The following MYO1F variants were observed in gnomAD, a reference collection of about 807,000 sequenced individuals.
The protein encoded by MYO1F is myosin IF.
MYO1F carries 60 observed loss-of-function variants against 146.6 expected under a neutral mutation model. The observed-to-expected ratio is 0.41, with a 90% CI of 0.33 to 0.51. The LOEUF (loss-of-function observed/expected upper bound fraction) is 0.51. Ranked by LOEUF, MYO1F falls within the 20% of genes least tolerant of loss-of-function variation. The pLI is 0.25. For missense variants in MYO1F, 1,274 were observed against 1,534.3 expected, an observed-to-expected ratio of 0.83 and a Z score of 2.83; for synonymous variants, 602 against 602.1, an observed-to-expected ratio of 1.00 and a Z score of 0.00.
At chr19:8,560,790 G>A (rs1974060679) in intron 1 of MYO1F, among the ~76,000 whole-genome samples, 1 of 148,626 alleles carries the variant, frequency 6.7e-6, no homozygotes, top group Admixed American at 6.9e-5. Context: ...CCAGGCTGGA[G>A]CGCAGTGGCA....
chr19:8,533,016 A>G (rs759511634), intron 19 of MYO1F, among the ~76,000 whole-genome samples: 2 of 151,876 alleles, frequency 1.3e-5, no homozygotes, highest in African/African-American at 4.8e-5. Context: ...TAGGTAGCAC[A>G]TTGCTGCTAA....
At chr19:8,557,146 G>C (rs556792875) in intron 1 of MYO1F, among the ~76,000 whole-genome samples, 26 of 152,148 alleles carry the variant, frequency 1.7e-4, no homozygotes, top group African/African-American at 6.3e-4. Context: ...AATTAGACGA[G>C]TGGTGGCATG....
At chr19:8,544,798 C>T (rs1318877587) in intron 13 of MYO1F, among the ~76,000 whole-genome samples, 4 of 152,124 alleles carry the variant, frequency 2.6e-5, no homozygotes, top group East Asian at 3.9e-4. Flanking sequence ...TATTTAGAGA[C>T]GGAGTCTTGC....
At position 8,550,267 on chromosome 19, in the gene MYO1F, C is replaced by G. The variant is rs760095446; in HGVS notation, c.994G>C (p.Gly332Arg). The G allele has an allele frequency of 1.2e-6, 2 of 1,614,164 alleles. No individual in the cohort carries two copies. Among genetic ancestry groups the G allele is most frequent in the Non-Finnish European group, 8.5e-7 (1 of 1,180,034 alleles). Residue 332 changes from glycine (G) to arginine (R), a missense_variant, in exon 10 of 28, where the codon GGG (glycine) becomes CGG (arginine). Coordinates refer to ENST00000644032, the MANE Select transcript of MYO1F (RefSeq NM_012335.4). ...TSRKMDSRWG[G>R]RSESINVTLN... is the part of the protein sequence containing the mutation. Reference sequence around the variant, plus strand: ...GTCACATTGATGGACTCGCTGCGCCCGCCCCAGCGGCTGTCCATCTTGCGG... The same window carrying G: ...GTCACATTGATGGACTCGCTGCGCCGGCCCCAGCGGCTGTCCATCTTGCGG...
rs937409147 is a variant in MYO1F at position 8,548,229 on chromosome 19, G to A, written c.1182+8C>T. 2.5e-6 allele frequency: 4 copies of A among 1,613,816 alleles called. No individual in the cohort carries two copies. The African/African-American group carries it at 5.3e-5, about 22-fold the overall frequency. On this transcript the variant is annotated splice_region_variant and intron_variant, in intron 11 of 27. Transcript: ENST00000644032. The stretch of plus-strand genomic sequence containing the variant: ...GACAGGATGTGGGCTGGAGGCAGGG[G>A]GCCGTACCTGGAAGATCTCGAAGCC...
Position 8,555,759 on chromosome 19 carries a change from A to C in MYO1F, c.41T>G (p.Val14Gly). Residue 14 changes from valine (V) to glycine (G), a missense_variant, in exon 2 of 28, where the codon GTG becomes GGG. Val to Gly is a moderately radical substitution (Grantham distance 109, BLOSUM62 -3). Transcript: ENST00000644032. ...KERFHWQSHN[V>G]KQSGVDDMVL... ...CATGTCATCCACGCCGCTCTGCTTCACGTTGTGGCTCTGCCAGTGGAAGCG... is the reference window on the plus strand; with the variant it reads ...CATGTCATCCACGCCGCTCTGCTTCCCGTTGTGGCTCTGCCAGTGGAAGCG... 1 of 1,613,894 alleles carries C rather than the reference A, an allele frequency of 6.2e-7. No homozygotes were observed. The highest frequency in any genetic ancestry group is 8.5e-7 in the Non-Finnish European group (1 of 1,179,990).
chr19:8,546,996 T>TA (rs1158563228), intron 12 of MYO1F, among the ~76,000 whole-genome samples: 5 of 151,862 alleles, frequency 3.3e-5, no homozygotes, highest in South Asian at 2.1e-4. Flanking sequence ...CTCTCTTTGT[T>TA]AAAAAAATCC....
intron 15 of MYO1F, 53 bp downstream of exon 15, chr19:8,541,853 T>C: frequency 3.9e-6 from 6 of 1,529,000 alleles, no homozygotes; most frequent in Non-Finnish European, 4.5e-6. Context: ...CGGTCCTCCC[T>C]CCATCCCCTT....
At chr19:8,561,704 C>G (rs959758912) in intron 1 of MYO1F, among the ~76,000 whole-genome samples, 1 of 148,714 alleles carries the variant, frequency 6.7e-6, no homozygotes, top group African/African-American at 2.5e-5. Context: ...CTTCCTTCCT[C>G]CTTTTTTTCT....
At chr19:8,554,440 G>A in intron 4 of MYO1F, 37 bp downstream of exon 4, 1 of 1,543,766 alleles carries the variant, frequency 6.5e-7, no homozygotes, top group Non-Finnish European at 8.9e-7. Context: ...CAGGGGCCCG[G>A]GCAGCAGGGT....
chr19:8,539,457 G>A (rs927528437), intron 16 of MYO1F, among the ~76,000 whole-genome samples: 2 of 151,404 alleles, frequency 1.3e-5, no homozygotes, highest in East Asian at 1.9e-4. Context: ...TTAGCTGGGT[G>A]TGGTGGCGCA....
chr19:8,551,584 T>G (rs947345643), intron 8 of MYO1F, 156 bp downstream of exon 8: 6 of 1,077,454 alleles, frequency 5.6e-6, no homozygotes, highest in South Asian at 1.3e-5. Flanking sequence ...ACTCCTGACC[T>G]TAAGTGATCT....
intron 19 of MYO1F, among the ~76,000 whole-genome samples, chr19:8,535,971 G>A (rs1258099185): frequency 1.3e-5 from 2 of 152,016 alleles, no homozygotes; most frequent in Admixed American, 6.6e-5. Flanking sequence ...ATGAGCCACC[G>A]CGCCCGGCAG....
chr19:8,547,961 G>C, intron 12 of MYO1F, 75 bp downstream of exon 12: 1 of 1,453,192 alleles, frequency 6.9e-7, no homozygotes, highest in Non-Finnish European at 9.6e-7. Context: ...TCCCCTAGTT[G>C]CTAAGGGATC....
In MYO1F at chr19:8,539,964, C is replaced by A; in HGVS notation, c.1675G>T (p.Ala559Ser). The A allele has an allele frequency of 1.2e-6, 2 of 1,612,170 alleles. No homozygotes were observed. The highest frequency in any genetic ancestry group is 1.7e-6 in the Non-Finnish European group (2 of 1,179,034). Residue 559 changes from alanine to serine, a missense_variant, in exon 16 of 28, where the codon GCC (alanine) becomes TCC (serine). Physicochemically the swap from Ala to Ser is moderately conservative, Grantham distance 99 (BLOSUM62 1). Coordinates refer to ENST00000644032, the MANE Select transcript of MYO1F (RefSeq NM_012335.4). Reference protein sequence around the residue: ...DGDKKGRPSTAGSKIKKQAND... With the variant: ...DGDKKGRPSTSGSKIKKQAND... ...AGGCCCACCTTGATCTTGGAGCCGG[C>A]GGTGCTGGGGCGCCCCTTCTTGTCT... is the stretch of plus-strand genomic sequence containing the variant.
In MYO1F at chr19:8,530,466, C is replaced by T. The variant is rs1197776058; in HGVS notation, c.2151G>A (p.Arg717=). 1.9e-6 allele frequency: 3 copies of T among 1,613,724 alleles called. No individual in the cohort carries two copies. Among genetic ancestry groups the T allele is most frequent in the Admixed American group, 1.7e-5 (1 of 60,002 alleles). ...TTACCCGAAGCCTCTCACCTTCCTC[C>T]CGCATCTCCTCGTACTTCCGGACAG... The part of the protein sequence containing the change: ...HVAVRKYEEM[R]EEASNILLNK... Residue 717 remains arginine (R), a synonymous_variant, in exon 20 of 28, where the codon CGG becomes CGA. Transcript: ENST00000644032. This position sits in a 1 kb window ranked among gnomAD's most constrained non-coding sequence, Gnocchi z 5.8.
At position 8,555,709 on chromosome 19, in the gene MYO1F, C is replaced by T; in HGVS notation, c.91G>A (p.Asp31Asn). ...TTCCGGAGGTTGGCGGCAATGGCGT[C>T]TTCGGTGATCTGGGGAAGAAGCACC... The part of the protein sequence containing the change: ...DMVLLPQITE[D>N]AIAANLRKRF... The change falls in exon 2 of 28, where the codon GAC becomes AAC. Residue 31 changes from aspartate (D) to asparagine (N), a missense_variant. Coordinates refer to ENST00000644032, the MANE Select transcript of MYO1F (RefSeq NM_012335.4). The T allele has an allele frequency of 6.2e-7, 1 of 1,614,176 alleles. No individual in the cohort carries two copies. The highest frequency in any genetic ancestry group is 8.5e-7 in the Non-Finnish European group (1 of 1,180,036).
intron 1 of MYO1F, among the ~76,000 whole-genome samples, chr19:8,564,952 T>C (rs1343293444): frequency 6.6e-6 from 1 of 151,758 alleles, no homozygotes; most frequent in Admixed American, 6.6e-5. Flanking sequence ...TTTGTGTTTT[T>C]AGTAGAGACA....
Position 8,522,359 on chromosome 19 carries a change from C to G in MYO1F, c.3220+18G>C. 6.2e-7 allele frequency: 1 copy of G among 1,613,848 alleles called. No homozygotes were observed. The highest frequency in any genetic ancestry group is 2.2e-5 in the East Asian group (1 of 44,886). Reference sequence around the variant, plus strand: ...CTTACCACTCCCCTCACCCCAGCTTCTGCCCTGGTACACACACCTTCCATG... The same window carrying G: ...CTTACCACTCCCCTCACCCCAGCTTGTGCCCTGGTACACACACCTTCCATG... On this transcript the variant is annotated intron_variant, in intron 27 of 27. Coordinates refer to ENST00000644032, the MANE Select transcript of MYO1F (RefSeq NM_012335.4).
Sources: gnomAD v4.1 joint callset for allele counts (sites outside exome capture counted in the v4.1 genomes callset) on GRCh38, gnomAD v4.1.1 for gene constraint, Gnocchi (gnomAD v3.1) non-coding constraint, MANE v1.5 for transcripts, NCBI Gene and HGNC (gene_info 2026-07-23, HGNC 2026-07-21) for gene names.